ARHGEF28: variants seen among roughly 807,000 people sequenced by gnomAD.
The protein encoded by ARHGEF28 is Rho guanine nucleotide exchange factor 28, also known as 190 kDa guanine nucleotide exchange factor.
In ARHGEF28, 152 loss-of-function variants were observed where a neutral mutation model predicts 206.6. That is an observed-to-expected ratio of 0.74 (90% CI 0.64 to 0.84). The LOEUF is 0.84. Ranked by LOEUF, ARHGEF28 falls within the 40% of genes least tolerant of loss-of-function variation. ARHGEF28 has a pLI of 0.00. For missense variants in ARHGEF28, 2,028 were observed against 2,073.2 expected (o/e 0.98, Z 0.42); for synonymous variants, 763 against 776.4 (o/e 0.98, Z 0.29).
At chr5:73,640,569 C>T (rs932930407) in intron 1 of ARHGEF28, among the ~76,000 whole-genome samples, 7 of 152,090 alleles carry the variant, frequency 4.6e-5, no homozygotes, top group Non-Finnish European at 1.0e-4. Flanking sequence ...ACAAGCCAGC[C>T]AGCTGAGGAT....
intron 11 of ARHGEF28, among the ~76,000 whole-genome samples, chr5:73,844,853 T>C (rs1208872054): frequency 2.6e-5 from 4 of 151,034 alleles, no homozygotes; most frequent in African/African-American, 9.7e-5. Context: ...GCCTCCAAGT[T>C]TGAGTCGTTT....
intron 9 of ARHGEF28, among the ~76,000 whole-genome samples, chr5:73,812,413 G>T (rs1755897362): frequency 6.6e-6 from 1 of 152,094 alleles, no homozygotes; most frequent in Non-Finnish European, 1.5e-5. Context: ...AGTTTATTTG[G>T]ACATCAGGTG....
intron 11 of ARHGEF28, among the ~76,000 whole-genome samples, chr5:73,842,475 A>C (rs899035817): frequency 8.5e-5 from 13 of 152,214 alleles, no homozygotes. Flanking sequence ...TGATGTGTAA[A>C]TAATAAAAGA....
intron 34 of ARHGEF28, among the ~76,000 whole-genome samples, chr5:73,910,144 G>A (rs1157575856): frequency 6.6e-6 from 1 of 152,040 alleles, no homozygotes. Context: ...ACTTTGGGAG[G>A]CCGAGGCGGG....
intron 9 of ARHGEF28, among the ~76,000 whole-genome samples, chr5:73,802,886 G>A (rs1034991155): frequency 2.0e-5 from 3 of 150,138 alleles, no homozygotes; most frequent in African/African-American, 7.3e-5. Context: ...GTGTGTGTGT[G>A]TGTGTGTGTG....
At position 73,901,278 on chromosome 5, in the gene ARHGEF28, G is replaced by A. The variant is rs1170657502; in HGVS notation, c.4068G>A (p.Gly1356=). The A allele has an allele frequency of 2.5e-6, 4 of 1,612,540 alleles. No homozygotes were observed. The highest frequency in any genetic ancestry group is 1.7e-5 in the Admixed American group (1 of 59,950). The change falls in exon 31 of 36, where the codon GGG becomes GGA. Residue 1356 remains glycine (G), a synonymous_variant. Coordinates refer to ENST00000513042, the MANE Select transcript of ARHGEF28 (RefSeq NM_001177693.2). ...CCGACTTGGCCGTCTCTGATGCAGG[G>A]GAGAAGGTATTGTGAACTGATTTGT... ...VVTDLAVSDA[G]EKVECRNFPG... is the part of the protein sequence containing the mutation.
intron 14 of ARHGEF28, among the ~76,000 whole-genome samples, chr5:73,853,187 G>C (rs778154586): frequency 3.3e-5 from 5 of 152,230 alleles, no homozygotes; most frequent in African/African-American, 4.8e-5. Flanking sequence ...TTGAGATGCA[G>C]ATTTAACCTA....
At chr5:73,676,069 CTTT>C (rs70973270) in intron 1 of ARHGEF28, among the ~76,000 whole-genome samples, 13 of 115,138 alleles carry the variant, frequency 1.1e-4, no homozygotes, top group Admixed American at 1.9e-4. Context: ...ATTTTCTTTT[CTTT>C]TTTTTTTTTT....
rs774933329 is a variant in ARHGEF28, at chr5:73,867,920, C to T, written c.2197C>T (p.Pro733Ser). Reference sequence around the variant, plus strand: ...CCCACAGCCTGGTCTCTCCTTGCACCCTTCTTCCTCCGTGCCTGTTGGATT... The same window carrying T: ...CCCACAGCCTGGTCTCTCCTTGCACTCTTCTTCCTCCGTGCCTGTTGGATT... ...DIPQPGLSLH[P>S]SSSVPVGLPT... Residue 733 changes from proline (P) to serine (S), a missense_variant, in exon 19 of 36, where the codon CCT becomes TCT. By Grantham distance (74) the Pro-to-Ser change is moderately conservative. Coordinates refer to ENST00000513042, the MANE Select transcript of ARHGEF28 (RefSeq NM_001177693.2). 1.2e-5 allele frequency: 19 copies of T among 1,613,870 alleles called. No homozygotes were observed. The South Asian group carries it at 1.3e-4, about 11-fold the overall frequency.
At chr5:73,703,085 A>C (rs1045180103) in intron 2 of ARHGEF28, among the ~76,000 whole-genome samples, 1 of 152,184 alleles carries the variant, frequency 6.6e-6, no homozygotes, top group Non-Finnish European at 1.5e-5. Flanking sequence ...CAGAGTTCAG[A>C]GTGTGGAAGT....
intron 4 of ARHGEF28, among the ~76,000 whole-genome samples, chr5:73,763,598 G>C (rs1351120656): frequency 2.0e-5 from 3 of 152,162 alleles, no homozygotes; most frequent in Non-Finnish European, 4.4e-5. Context: ...GAGTCAAGTG[G>C]GAGGGCGTCT....
At chr5:73,914,859 T>C (rs1763119878) in intron 35 of ARHGEF28, among the ~76,000 whole-genome samples, 1 of 152,184 alleles carries the variant, frequency 6.6e-6, no homozygotes, top group African/African-American at 2.4e-5. Flanking sequence ...ACCTCCCACT[T>C]CAGCCTCCTG....
chr5:73,861,946 T>G (rs1759431129), intron 16 of ARHGEF28, among the ~76,000 whole-genome samples: 1 of 152,196 alleles, frequency 6.6e-6, no homozygotes, highest in South Asian at 2.1e-4. Context: ...ACATACAGTC[T>G]CTGCTGTTTT....
chr5:73,874,832 G>A (rs1760352454), intron 22 of ARHGEF28, among the ~76,000 whole-genome samples: 2 of 147,128 alleles, frequency 1.4e-5, no homozygotes, highest in South Asian at 4.4e-4. Context: ...TGGACATTTG[G>A]GTTGGTTCCA....
intron 2 of ARHGEF28, among the ~76,000 whole-genome samples, chr5:73,728,459 G>A (rs980747007): frequency 6.6e-6 from 1 of 152,162 alleles, no homozygotes; most frequent in African/African-American, 2.4e-5. Context: ...AAATTGCTTT[G>A]TAAAAAGGGT....
intron 2 of ARHGEF28, among the ~76,000 whole-genome samples, chr5:73,709,317 A>G (rs1156420022): frequency 1.3e-5 from 2 of 151,882 alleles, no homozygotes; most frequent in Non-Finnish European, 2.9e-5. Flanking sequence ...TCACCTATCA[A>G]ATTTTCTCAT....
chr5:73,791,817 C>G (rs1754501186), intron 7 of ARHGEF28, among the ~76,000 whole-genome samples: 1 of 152,156 alleles, frequency 6.6e-6, no homozygotes, highest in South Asian at 2.1e-4. Context: ...TTTGGCAAGT[C>G]TGATTTAGAG....
intron 30 of ARHGEF28, chr5:73,899,694 G>A (rs1762156792): frequency 6.6e-6 from 1 of 152,264 alleles, no homozygotes; most frequent in African/African-American, 2.4e-5. Context: ...ATGACTTGGA[G>A]AACTGGGCTC....
intron 1 of ARHGEF28, among the ~76,000 whole-genome samples, chr5:73,632,278 C>T (rs958877622): frequency 6.6e-6 from 1 of 152,156 alleles, no homozygotes. Context: ...AATGGGAGAC[C>T]TCATGGACCT....
Sources: allele counts gnomAD v4.1 joint callset (sites outside exome capture counted in the v4.1 genomes callset), GRCh38; gene constraint gnomAD v4.1.1; transcripts MANE v1.5; gene names NCBI Gene and HGNC (gene_info 2026-07-23, HGNC 2026-07-21).